AKNA: variants seen among roughly 807,000 people sequenced by gnomAD.
AKNA encodes the protein microtubule organization protein AKNA.
AKNA carries 67 observed loss-of-function variants against 138.8 expected under a neutral mutation model. That is an observed-to-expected ratio of 0.48 (90% CI 0.40 to 0.59). The LOEUF (loss-of-function observed/expected upper bound fraction) is 0.59. Among genes scored for constraint, AKNA ranks in the 20% least tolerant of loss-of-function variants. The pLI is 0.00. For synonymous variants in AKNA, 737 were observed against 754.4 expected, an observed-to-expected ratio of 0.98 and a Z score of 0.38; for missense variants, 1,813 against 1,880.4, an observed-to-expected ratio of 0.96 and a Z score of 0.66.
At chr9:114,374,837 AGGACAGAAC>A (rs1220705802) in intron 3 of AKNA, among the ~76,000 whole-genome samples, 2 of 152,280 alleles carry the variant, frequency 1.3e-5, no homozygotes, top group Non-Finnish European at 2.9e-5. Flanking sequence ...TAACAGTAAA[AGGACAGAAC>A]GGAACATCTC....
chr9:114,375,716 GGCT>G (rs1833119616), intron 3 of AKNA, among the ~76,000 whole-genome samples: 4 of 152,014 alleles, frequency 2.6e-5, no homozygotes, highest in African/African-American at 9.7e-5. Flanking sequence ...AGGTTTTCGG[GGCT>G]GCTAATTGTG....
intron 21 of AKNA, among the ~76,000 whole-genome samples, chr9:114,339,493 A>G (rs1214808626): frequency 6.6e-6 from 1 of 152,250 alleles, no homozygotes; most frequent in Non-Finnish European, 1.5e-5. Context: ...CCCATTTCGC[A>G]GAGAAGGAAA....
In AKNA at chr9:114,336,170, C is replaced by T. The variant is rs1829982480; in HGVS notation, c.*884G>A. On this transcript the variant is annotated 3_prime_UTR_variant, in exon 22 of 22. Coordinates refer to ENST00000374088, the MANE Select transcript of AKNA (RefSeq NM_001317950.2). Reference sequence around the variant, plus strand: ...TTGTCTTCTTTTCTTTTTTTAAGATCAATATTCATTCTTCATTTGCCCTCG... The same window carrying T: ...TTGTCTTCTTTTCTTTTTTTAAGATTAATATTCATTCTTCATTTGCCCTCG... 1 of 152,608 alleles carries T rather than the reference C, an allele frequency of 6.6e-6. No individual in the cohort carries two copies. Among genetic ancestry groups the T allele is most frequent in the African/African-American group, 2.4e-5 (1 of 41,422 alleles). 9.5% of individuals were successfully genotyped at this position (152,608 alleles called of 1,614,324 possible). A position where few individuals can be genotyped will look rare whatever the true frequency, so the allele number is the denominator to read the frequency against.
At chr9:114,385,273 A>G (rs1413971456) in intron 1 of AKNA, among the ~76,000 whole-genome samples, 5 of 152,144 alleles carry the variant, frequency 3.3e-5, no homozygotes, top group African/African-American at 1.2e-4. Flanking sequence ...AGAATCCTCT[A>G]AGCGTGCAGT....
rs1588998076 is a variant in AKNA at position 114,368,575 on chromosome 9, T to G, written c.1437A>C (p.Pro479=). ...LGAKVNLFSD[P]PQPNHSIHTG... ...TGTGGATGCTGTGGTTGGGCTGGGG[T>G]GGGTCAGAGAACAGGTTCACCTGTG... The change falls in exon 5 of 22, where the codon CCA becomes CCC. Residue 479 remains proline, a synonymous_variant. Transcript: ENST00000374088. The G allele has an allele frequency of 7.2e-7, 1 of 1,393,508 alleles. No homozygotes were observed. The highest frequency in any genetic ancestry group is 9.4e-7 in the Non-Finnish European group (1 of 1,067,980). The allele number at this position is 1,393,508 out of a possible 1,614,324, so 86.3% of individuals were successfully genotyped here. A position where few individuals can be genotyped will look rare whatever the true frequency, so the allele number is the denominator to read the frequency against.
chr9:114,348,960 T>G (rs1258705358), intron 15 of AKNA: 1 of 456,124 alleles, frequency 2.2e-6, no homozygotes, highest in Non-Finnish European at 4.4e-6. Context: ...CAGATGACTG[T>G]GTCAGAAGGA....
Position 114,336,952 on chromosome 9 carries a change from A to T in AKNA, c.*102T>A. On this transcript the variant is annotated 3_prime_UTR_variant, in exon 22 of 22. Transcript: ENST00000374088. ...CTGGAGGGAGACCCTCCTGGTGAGG[A>T]ACTATGCGGGCCTTCTGGGCCTCAG... 1 of 1,373,172 alleles carries T rather than the reference A, an allele frequency of 7.3e-7. No homozygotes were observed. 85.1% of individuals were successfully genotyped at this position (1,373,172 alleles called of 1,614,324 possible).
At chr9:114,385,910 C>G (rs1266882632) in intron 1 of AKNA, among the ~76,000 whole-genome samples, 1 of 152,236 alleles carries the variant, frequency 6.6e-6, no homozygotes, top group Non-Finnish European at 1.5e-5. Context: ...GTCCTGGCTG[C>G]TGTTACTCAC....
At chr9:114,331,542 C>T (rs777669585), downstream of AKNA, 9 of 1,586,598 alleles carry the variant, frequency 5.7e-6, no homozygotes, top group Admixed American at 5.0e-5. Flanking sequence ...CATGTTCTCA[C>T]CCAGAGGCTC....
At chr9:114,353,273 T>TA (rs1045772816) in intron 14 of AKNA, among the ~76,000 whole-genome samples, 35 of 150,448 alleles carry the variant, frequency 2.3e-4, no homozygotes, top group Admixed American at 4.0e-4. Flanking sequence ...TTTTTTTTTT[T>TA]ATGTTTTTTG....
At chr9:114,351,433 G>C (rs1055708717) in intron 14 of AKNA, among the ~76,000 whole-genome samples, 8 of 152,134 alleles carry the variant, frequency 5.3e-5, no homozygotes, top group Non-Finnish European at 1.0e-4. Context: ...GCATGTTTCT[G>C]GGGAGAGCAT....
At position 114,364,331 on chromosome 9, in the gene AKNA, AG is replaced by A. The variant is rs1441398455; in HGVS notation, c.1788+228del. 5.9e-5 allele frequency among the ~76,000 whole-genome samples: 9 copies of A among 152,066 alleles called. No homozygotes were observed. The South Asian group carries it at 1.4e-3, about 24-fold the overall frequency. Reference sequence around the variant, plus strand: ...ATGACCAAATAAAATAACATACTCTAGGGTTTACCACAGTCCCTGTACACAA... The same window carrying A: ...ATGACCAAATAAAATAACATACTCTAGGTTTACCACAGTCCCTGTACACAA... On this transcript the variant is annotated intron_variant, in intron 7 of 21. Transcript: ENST00000374088.
intron 9 of AKNA, 169 bp from the exon 10 acceptor site, chr9:114,360,231 G>T: frequency 1.3e-6 from 1 of 795,060 alleles, no homozygotes; most frequent in Non-Finnish European, 2.0e-6. Context: ...ACTGGGCTGT[G>T]TGGTCTTCGA....
Position 114,341,839 on chromosome 9 carries a change from G to A in AKNA, c.3875-114C>T, listed in dbSNP as rs73548987. On this transcript the variant is annotated intron_variant, in intron 20 of 21. Coordinates refer to ENST00000374088, the MANE Select transcript of AKNA (RefSeq NM_001317950.2). ...ATGAGAGCTGGACAGGCCCTACCCT[G>A]TGAGACTCCATGTCGGGGAGGTCTC... 6,279 of 1,348,772 alleles carry A rather than the reference G, an allele frequency of 4.7e-3. 209 individuals are homozygous for A. In the African/African-American group the frequency reaches 0.079, roughly 17 times the overall value. 83.6% of individuals were successfully genotyped at this position (1,348,772 alleles called of 1,614,324 possible). A position where few individuals can be genotyped will look rare whatever the true frequency, so the allele number is the denominator to read the frequency against.
rs112812339 is a variant in AKNA at position 114,367,463 on chromosome 9, C to T, written c.1728+80G>A. 1.8e-5 allele frequency: 27 copies of T among 1,511,664 alleles called. No individual in the cohort carries two copies. In the African/African-American group the frequency reaches 2.6e-4, roughly 15 times the overall value. The allele number at this position is 1,511,664 out of a possible 1,614,324, so 93.6% of individuals were successfully genotyped here. The stretch of plus-strand genomic sequence containing the variant: ...AATGACAAGTGAGACTCCCAGAGTG[C>T]CTCTCACCCAAGCAGGCAGAGGTTC... On this transcript the variant is annotated intron_variant, in intron 6 of 21. Transcript: ENST00000374088.
chr9:114,383,291 C>T, intron 1 of AKNA: 1 of 445,394 alleles, frequency 2.2e-6, no homozygotes, highest in East Asian at 7.0e-5. Context: ...TCCCTCTTTC[C>T]TTCTCCCTCT....
chr9:114,341,835 C>T (rs1830375137), intron 20 of AKNA, 110 bp from the exon 21 acceptor site: 1 of 1,347,432 alleles, frequency 7.4e-7, no homozygotes, highest in African/African-American at 1.5e-5. Flanking sequence ...ACAGGCCCTA[C>T]CCTGTGAGAC....
chr9:114,376,428 G>A (rs2132048510), intron 3 of AKNA, 38 bp downstream of exon 3: 1 of 1,608,906 alleles, frequency 6.2e-7, no homozygotes, highest in Non-Finnish European at 8.5e-7. Flanking sequence ...GCCAACAGGG[G>A]CCTTGGTGAC....
Position 114,341,849 on chromosome 9 carries a change from A to G in AKNA, c.3875-124T>C, listed in dbSNP as rs1830376809. 9.8e-6 allele frequency: 13 copies of G among 1,327,756 alleles called. No individual in the cohort carries two copies. The South Asian group carries it at 1.3e-4, about 14-fold the overall frequency. The allele number at this position is 1,327,756 out of a possible 1,614,324, so 82.2% of individuals were successfully genotyped here. A position where few individuals can be genotyped will look rare whatever the true frequency, so the allele number is the denominator to read the frequency against. On this transcript the variant is annotated intron_variant, in intron 20 of 21. Coordinates refer to ENST00000374088, the MANE Select transcript of AKNA (RefSeq NM_001317950.2). ...GACAGGCCCTACCCTGTGAGACTCC[A>G]TGTCGGGGAGGTCTCTCTTTGGGGA...
Sources: gnomAD v4.1 joint callset for allele counts (sites outside exome capture counted in the v4.1 genomes callset) on GRCh38, gnomAD v4.1.1 for gene constraint, MANE v1.5 for transcripts, NCBI Gene and HGNC (gene_info 2026-07-23, HGNC 2026-07-21) for gene names.